CTNNA3: variants seen among roughly 807,000 people sequenced by gnomAD.
CTNNA3 encodes the protein catenin alpha-3.
A neutral mutation model predicts 95.7 loss-of-function variants in CTNNA3; 76 were observed. The ratio of observed to expected loss-of-function variants is 0.79; its 90% CI spans 0.66 to 0.96. The LOEUF (loss-of-function observed/expected upper bound fraction) is 0.96. Among genes scored for constraint, CTNNA3 ranks in the 40% least tolerant of loss-of-function variants. CTNNA3 has a pLI of 0.00. For synonymous variants in CTNNA3, 431 were observed against 374.4 expected (o/e 1.15, Z -1.74); for missense variants, 1,191 against 1,089.8 (o/e 1.09, Z -1.31).
At chr10:66,669,937 G>C (rs1364499086) in intron 9 of CTNNA3, among the ~76,000 whole-genome samples, 2 of 151,966 alleles carry the variant, frequency 1.3e-5, no homozygotes, top group Admixed American at 6.6e-5. Flanking sequence ...AGGAAGGGGG[G>C]ATAAAAACAA....
chr10:67,305,896 C>G (rs1250091982), intron 5 of CTNNA3, among the ~76,000 whole-genome samples: 1 of 152,088 alleles, frequency 6.6e-6, no homozygotes, highest in Non-Finnish European at 1.5e-5. Flanking sequence ...ACAAGAAAAA[C>G]TATTATGGCA....
intron 7 of CTNNA3, among the ~76,000 whole-genome samples, chr10:66,959,471 G>C (rs1485700299): frequency 1.3e-5 from 2 of 152,110 alleles, no homozygotes; most frequent in African/African-American, 4.8e-5. Context: ...TGGGCCAAGA[G>C]AACAAAAATA....
At chr10:66,906,366 A>AATT (rs1437425368) in intron 7 of CTNNA3, among the ~76,000 whole-genome samples, 1 of 152,172 alleles carries the variant, frequency 6.6e-6, no homozygotes, top group Non-Finnish European at 1.5e-5. Context: ...ATCAGAGGAA[A>AATT]ATTTTAAGCC....
At chr10:66,211,311 C>G (rs2088139734) in intron 13 of CTNNA3, among the ~76,000 whole-genome samples, 1 of 152,272 alleles carries the variant, frequency 6.6e-6, no homozygotes, top group African/African-American at 2.4e-5. Context: ...TACACTTCAA[C>G]CTTTGTCACA....
intron 9 of CTNNA3, among the ~76,000 whole-genome samples, chr10:66,729,886 C>T (rs367667962): frequency 8.6e-5 from 13 of 152,030 alleles, no homozygotes; most frequent in African/African-American, 2.4e-4. Flanking sequence ...GGGCGGATCA[C>T]GAGGTCAGGA....
intron 13 of CTNNA3, among the ~76,000 whole-genome samples, chr10:66,103,756 T>A (rs986116766): frequency 2.0e-5 from 3 of 152,162 alleles, no homozygotes; most frequent in Non-Finnish European, 4.4e-5. Flanking sequence ...CTGATGGGTA[T>A]GTGGTTTCTC....
intron 7 of CTNNA3, among the ~76,000 whole-genome samples, chr10:67,047,781 C>T (rs1340928993): frequency 6.6e-6 from 1 of 152,048 alleles, no homozygotes; most frequent in African/African-American, 2.4e-5. Context: ...TAACAGGTGG[C>T]TTTCCCCTTA....
chr10:67,001,851 T>C (rs1026116434), intron 7 of CTNNA3, among the ~76,000 whole-genome samples: 8 of 152,178 alleles, frequency 5.3e-5, no homozygotes, highest in African/African-American at 1.7e-4. Flanking sequence ...TTTCTTTCTG[T>C]TTAGCCTTGT....
intron 11 of CTNNA3, among the ~76,000 whole-genome samples, chr10:66,495,882 T>A (rs1255536330): frequency 6.6e-6 from 1 of 152,100 alleles, no homozygotes; most frequent in African/African-American, 2.4e-5. Flanking sequence ...GATCTTGAAT[T>A]CCTGACCTCA....
At chr10:66,596,987 C>T (rs765888500) in intron 10 of CTNNA3, among the ~76,000 whole-genome samples, 1 of 150,630 alleles carries the variant, frequency 6.6e-6, no homozygotes, top group Non-Finnish European at 1.5e-5. Context: ...AAGATGGAAA[C>T]ATATTAATAA....
At chr10:66,730,112 A>AG (rs1483442923) in intron 9 of CTNNA3, among the ~76,000 whole-genome samples, 23 of 151,802 alleles carry the variant, frequency 1.5e-4, no homozygotes, top group Non-Finnish European at 3.2e-4. Flanking sequence ...TCTGAAAAAA[A>AG]AAAAAAAAGA....
intron 5 of CTNNA3, among the ~76,000 whole-genome samples, chr10:67,348,534 C>T (rs1437663887): frequency 6.6e-6 from 1 of 151,992 alleles, no homozygotes; most frequent in African/African-American, 2.4e-5. Context: ...GTGAGGGCCT[C>T]AAGAAGCTTC....
intron 5 of CTNNA3, among the ~76,000 whole-genome samples, chr10:67,499,079 A>G (rs1393075389): frequency 6.6e-6 from 1 of 152,142 alleles, no homozygotes; most frequent in Non-Finnish European, 1.5e-5. Flanking sequence ...GTTTGTCATA[A>G]ATAGCTCTTA....
Position 66,608,461 on chromosome 10 carries a change from T to C in CTNNA3, c.1374+13231A>G, listed in dbSNP as rs536071457. 8.5e-4 allele frequency among the ~76,000 whole-genome samples: 130 copies of C among 152,154 alleles called. 1 individual carries two copies. The highest frequency in any genetic ancestry group is 6.8e-3 in the Middle Eastern group (2 of 294). On this transcript the variant is annotated intron_variant, in intron 10 of 17. Transcript: ENST00000433211. Reference sequence around the variant, plus strand: ...ATAAAAAAAACTATTTTAAAATTCATATGGAACAAAAAGAGCCCGAATAGC... The same window carrying C: ...ATAAAAAAAACTATTTTAAAATTCACATGGAACAAAAAGAGCCCGAATAGC...
chr10:66,779,629 G>A (rs184042712), intron 7 of CTNNA3, among the ~76,000 whole-genome samples: 104 of 152,210 alleles, frequency 6.8e-4, no homozygotes, highest in Middle Eastern at 3.4e-3. Context: ...TCCCAGTGCT[G>A]GGATTACAGG....
intron 10 of CTNNA3, among the ~76,000 whole-genome samples, chr10:66,595,862 TG>T (rs1843697084): frequency 6.6e-6 from 1 of 152,018 alleles, no homozygotes; most frequent in African/African-American, 2.4e-5. Flanking sequence ...TTGCACAGAC[TG>T]GTCTTAAACT....
chr10:67,156,887 A>G (rs1861334315), intron 7 of CTNNA3, among the ~76,000 whole-genome samples: 1 of 101,594 alleles, frequency 9.8e-6, no homozygotes, highest in Non-Finnish European at 1.9e-5. Flanking sequence ...GTAGGATAGT[A>G]AAATATCCTA....
At chr10:66,227,466 T>C (rs2089366187) in intron 13 of CTNNA3, among the ~76,000 whole-genome samples, 1 of 152,054 alleles carries the variant, frequency 6.6e-6, no homozygotes, top group Non-Finnish European at 1.5e-5. Context: ...CTGTGATGTA[T>C]CACATTTATT....
chr10:67,010,697 C>A (rs181563677), intron 7 of CTNNA3, among the ~76,000 whole-genome samples: 1 of 152,306 alleles, frequency 6.6e-6, no homozygotes, highest in Non-Finnish European at 1.5e-5. Context: ...TATAGCCATG[C>A]AAGAAAGAAG....
Sources: gnomAD v4.1 joint callset for allele counts (sites outside exome capture counted in the v4.1 genomes callset) on GRCh38, gnomAD v4.1.1 for gene constraint, MANE v1.5 for transcripts, NCBI Gene and HGNC (gene_info 2026-07-23, HGNC 2026-07-21) for gene names.